ACSS1: variants seen among roughly 807,000 people sequenced by gnomAD.
ACSS1 encodes acyl-CoA synthetase short chain family member 1.
A neutral mutation model predicts 75.3 loss-of-function variants in ACSS1; 42 were observed. The ratio of observed to expected loss-of-function variants is 0.56; its 90% CI spans 0.44 to 0.72. The LOEUF is 0.72. ACSS1 is among the 30% of genes least tolerant of loss of function. The pLI is 0.00. For synonymous variants in ACSS1, 380 were observed against 376.8 expected (o/e 1.01, Z -0.10); for missense variants, 782 against 935.7 (o/e 0.84, Z 2.14).
In ACSS1 at chr20:25,057,851, G is replaced by A. The variant is rs750142653; in HGVS notation, c.252C>T (p.Asp84=). The A allele has an allele frequency of 6.2e-7, 1 of 1,612,650 alleles. No homozygotes were observed. Among genetic ancestry groups the A allele is most frequent in the East Asian group, 2.2e-5 (1 of 44,802 alleles). The stretch of plus-strand genomic sequence containing the variant: ...AGTCCCAGACGGTGTGGTAGGGGGT[G>A]TCCCACACGAGAGTGTCCCGCGCCA... ...GPLARDTLVW[D]TPYHTVWDCD... is the part of the protein sequence containing the mutation. Residue 84 remains aspartate, a synonymous_variant, in exon 1 of 14, where the codon GAC becomes GAT. Transcript: ENST00000323482.
rs778255892 is a variant in ACSS1, at chr20:25,057,873, G to T, written c.230C>A (p.Ala77Glu). The T allele has an allele frequency of 8.7e-6, 14 of 1,612,654 alleles. No individual in the cohort carries two copies. The highest frequency in any genetic ancestry group is 1.2e-5 in the Non-Finnish European group (14 of 1,179,670). Reference sequence around the variant, plus strand: ...GGTGTCCCACACGAGAGTGTCCCGCGCCAGAGGCCCCCAGAAGGCGGCCGG... The same window carrying T: ...GGTGTCCCACACGAGAGTGTCCCGCTCCAGAGGCCCCCAGAAGGCGGCCGG... ...REPAAFWGPL[A>E]RDTLVWDTPY... Residue 77 changes from alanine (A) to glutamate (E), a missense_variant, in exon 1 of 14, where the codon GCG becomes GAG. Transcript: ENST00000323482.
Position 25,033,347 on chromosome 20 carries a change from C to A in ACSS1, c.432-2389G>T, listed in dbSNP as rs528709561. On this transcript the variant is annotated intron_variant, in intron 2 of 13. Coordinates refer to ENST00000323482, the MANE Select transcript of ACSS1 (RefSeq NM_032501.4). Reference sequence around the variant, plus strand: ...GTCCCTACAGAAAGGCCTGGGGTAGCTTTCTGTAGTAGCTGCCTAGACATG... The same window carrying A: ...GTCCCTACAGAAAGGCCTGGGGTAGATTTCTGTAGTAGCTGCCTAGACATG... Among the ~76,000 whole-genome samples, 4 of 152,174 alleles carry A rather than the reference C, an allele frequency of 2.6e-5. No homozygotes were observed. The South Asian group carries it at 8.3e-4, about 31-fold the overall frequency.
intron 13 of ACSS1, 64 bp downstream of exon 13, chr20:25,009,206 T>C (rs1600302792): frequency 7.4e-7 from 1 of 1,357,304 alleles, no homozygotes; most frequent in Non-Finnish European, 1.1e-6. Context: ...TAAAAGATCA[T>C]TGTCACTTGA....
At chr20:25,024,085 T>A (rs573066857) in intron 3 of ACSS1, among the ~76,000 whole-genome samples, 1 of 152,260 alleles carries the variant, frequency 6.6e-6, no homozygotes, top group South Asian at 2.1e-4. Flanking sequence ...GTGTCCCATG[T>A]GGCCAGGCCC....
At chr20:25,008,689 G>GAA (rs2088352883) in intron 13 of ACSS1, among the ~76,000 whole-genome samples, 1 of 152,294 alleles carries the variant, frequency 6.6e-6, no homozygotes, top group East Asian at 1.9e-4. Flanking sequence ...CCCCTGGGTT[G>GAA]GGGGTCTGCG....
chr20:25,020,066 T>A lies in ACSS1; in HGVS notation c.1190A>T (p.Tyr397Phe). 6.2e-7 allele frequency: 1 copy of A among 1,614,228 alleles called. No homozygotes were observed. The highest frequency in any genetic ancestry group is 1.7e-5 in the Admixed American group (1 of 60,032). ...ATACTTCTTCACCCAGGCATCACCG[T>A]ATTTCAGCAACAGCCGGACAGCCGT... ...APTAVRLLLK[Y>F]GDAWVKKYDR... is the part of the protein sequence containing the mutation. Residue 397 changes from tyrosine to phenylalanine, a missense_variant, in exon 7 of 14, where the codon TAC (tyrosine) becomes TTC (phenylalanine). Physicochemically the swap from Tyr to Phe is conservative, Grantham distance 22. This residue lies in a region of ACSS1 where 405 missense variants were observed against 552.6 expected (regional missense o/e 0.73). Coordinates refer to ENST00000323482, the MANE Select transcript of ACSS1 (RefSeq NM_032501.4).
Position 25,012,912 on chromosome 20 carries a change from T to C in ACSS1, c.1607A>G (p.Tyr536Cys). ...CTGGTAATAGCCGCCCTCAGTTCGG[T>C]AAGCCCCGTCTCCAGTGAAGTAATA... ...PGYYFTGDGA[Y>C]RTEGGYYQIT... Residue 536 changes from tyrosine to cysteine, a missense_variant, in exon 11 of 14, where the codon TAC becomes TGC. By Grantham distance (194) the Tyr-to-Cys change is radical. Transcript: ENST00000323482. 1 of 1,614,146 alleles carries C rather than the reference T, an allele frequency of 6.2e-7. No individual in the cohort carries two copies. The highest frequency in any genetic ancestry group is 8.5e-7 in the Non-Finnish European group (1 of 1,180,026).
intron 2 of ACSS1, among the ~76,000 whole-genome samples, chr20:25,035,938 G>C (rs769606881): frequency 6.6e-6 from 1 of 152,186 alleles, no homozygotes; most frequent in Non-Finnish European, 1.5e-5. Flanking sequence ...TACTGTTTCT[G>C]TATCAGAAAG....
At chr20:25,038,708 G>A (rs2088955417) in intron 2 of ACSS1, among the ~76,000 whole-genome samples, 1 of 152,206 alleles carries the variant, frequency 6.6e-6, no homozygotes, top group Non-Finnish European at 1.5e-5. Flanking sequence ...GAGGGCGGGA[G>A]TAGATCTGAG....
chr20:25,017,124 C>T (rs1299040101), intron 7 of ACSS1, among the ~76,000 whole-genome samples: 6 of 151,952 alleles, frequency 3.9e-5, no homozygotes, highest in African/African-American at 4.8e-5. Context: ...CCCAAGTAGC[C>T]GAGGGACTAC....
Position 25,058,048 on chromosome 20 carries a change from C to A in ACSS1, c.55G>T (p.Gly19Trp). 1 of 1,335,310 alleles carries A rather than the reference C, an allele frequency of 7.5e-7. No homozygotes were observed. Among genetic ancestry groups the A allele is most frequent in the Non-Finnish European group, 9.5e-7 (1 of 1,049,978 alleles). 82.7% of individuals were successfully genotyped at this position (1,335,310 alleles called of 1,614,324 possible). A position where few individuals can be genotyped will look rare whatever the true frequency, so the allele number is the denominator to read the frequency against. ...GGCCGCGCGGGCTGCCCCGAGAGCC[C>A]TCGCAGGCTGCCCAGCAGCCTCCCG... ...GVGRLLGSLR[G>W]LSGQPARPPC... Residue 19 changes from glycine to tryptophan, a missense_variant, in exon 1 of 14, where the codon GGG (glycine) becomes TGG (tryptophan). By Grantham distance (184) the Gly-to-Trp change is radical. Around this residue, in one of 2 missense-constraint regions of ACSS1, gnomAD observed 377 missense variants for 383.1 expected, o/e 0.98. Coordinates refer to ENST00000323482, the MANE Select transcript of ACSS1 (RefSeq NM_032501.4).
rs377357798 is a variant in ACSS1 at position 25,017,325 on chromosome 20, A to G, written c.1247-2095T>C. 1.6e-4 allele frequency among the ~76,000 whole-genome samples: 25 copies of G among 152,368 alleles called. 1 individual carries two copies. Among genetic ancestry groups the G allele is most frequent in the African/African-American group, 6.0e-4 (25 of 41,590 alleles). ...CTGACGACTCAACGGATTAAATGTC[A>G]TGAGGGCTGATCCCAGCTGCCTGGA... is the stretch of plus-strand genomic sequence containing the variant. On this transcript the variant is annotated intron_variant, in intron 7 of 13. Transcript: ENST00000323482.
At chr20:25,021,248 T>C (rs902883504) in intron 6 of ACSS1, 141 bp downstream of exon 6, 12 of 1,166,478 alleles carry the variant, frequency 1.0e-5, no homozygotes, top group Non-Finnish European at 1.4e-5. Context: ...CCACCGGGCA[T>C]TTCGACAGCA....
chr20:25,028,027 T>C (rs917309572), intron 3 of ACSS1, among the ~76,000 whole-genome samples: 1 of 152,040 alleles, frequency 6.6e-6, no homozygotes, highest in Non-Finnish European at 1.5e-5. Context: ...TTATAAAAAT[T>C]CATAAAAGAA....
chr20:25,047,662 G>A (rs2089117171), intron 2 of ACSS1, among the ~76,000 whole-genome samples: 1 of 152,106 alleles, frequency 6.6e-6, no homozygotes, highest in Non-Finnish European at 1.5e-5. Flanking sequence ...CAGGCAAACG[G>A]GGTTTGCATG....
intron 4 of ACSS1, 87 bp downstream of exon 4, chr20:25,023,379 C>A: frequency 6.5e-7 from 1 of 1,534,484 alleles, no homozygotes; most frequent in South Asian, 1.2e-5. Flanking sequence ...CTAGGGAACC[C>A]AAATTGAGAA....
intron 8 of ACSS1, 53 bp from the exon 9 acceptor site, chr20:25,014,126 G>C (rs148688525): frequency 2.1e-6 from 3 of 1,414,870 alleles, no homozygotes; most frequent in African/African-American, 1.4e-5. Flanking sequence ...CCAGGGATAC[G>C]TGTATCCAGA....
chr20:25,024,416 CG>C (rs34740612), intron 3 of ACSS1, among the ~76,000 whole-genome samples: 4 of 152,152 alleles, frequency 2.6e-5, no homozygotes, highest in Non-Finnish European at 5.9e-5. Context: ...ATCACAGCTG[CG>C]GGGGGTTACT....
chr20:25,031,213 G>A (rs952731266), intron 2 of ACSS1: 7 of 557,072 alleles, frequency 1.3e-5, no homozygotes, highest in African/African-American at 3.8e-5. Context: ...GTCCGCTTAC[G>A]GCAGGGTTTT....
Sources: allele counts gnomAD v4.1 joint callset (sites outside exome capture counted in the v4.1 genomes callset), GRCh38; gene constraint gnomAD v4.1.1; regional missense constraint gnomAD v4.1.1; transcripts MANE v1.5; gene names NCBI Gene and HGNC (gene_info 2026-07-23, HGNC 2026-07-21).